RNASEL: variants seen among roughly 807,000 people sequenced by gnomAD.
RNASEL encodes the protein ribonuclease L.
Under a neutral mutation model 50.9 loss-of-function variants are expected in RNASEL, and 36 were observed. The observed-to-expected ratio is 0.71, with a 90% confidence interval of 0.54 to 0.93. RNASEL has a LOEUF of 0.93. Ranked by LOEUF, RNASEL falls within the 40% of genes least tolerant of loss-of-function variation. The pLI is 0.00. For missense variants in RNASEL, 860 were observed against 894.5 expected, an observed-to-expected ratio of 0.96 and a Z score of 0.49; for synonymous variants, 335 against 335.6, an observed-to-expected ratio of 1.00 and a Z score of 0.02.
chr1:182,582,377 G>C, intron 3 of RNASEL, 119 bp from the exon 4 acceptor site: 1 of 1,204,038 alleles, frequency 8.3e-7, no homozygotes. Flanking sequence ...GAATTTGTAG[G>C]CTTGTTAGGG....
At chr1:182,579,871 C>A (rs1464016672) in intron 5 of RNASEL, 2 of 537,348 alleles carry the variant, frequency 3.7e-6, no homozygotes, top group African/African-American at 3.9e-5. Flanking sequence ...AGACTTGATG[C>A]CATCACAGCT....
rs187579413 is a variant in RNASEL, at chr1:182,586,949, T to C, written c.-143A>G. On this transcript the variant is annotated 5_prime_UTR_variant, in exon 2 of 7. Coordinates refer to ENST00000367559, the MANE Select transcript of RNASEL (RefSeq NM_021133.4). ...CAGCAGTATGAAGAAGGAACAATGT[T>C]CTCAGTCTTCTGACATTCCACCTGG... 32 of 1,080,854 alleles carry C rather than the reference T, an allele frequency of 3.0e-5. 1 individual carries two copies. Among genetic ancestry groups the C allele is most frequent in the African/African-American group, 2.9e-4 (19 of 64,592 alleles). The allele number at this position is 1,080,854 out of a possible 1,614,324, so 67.0% of individuals were successfully genotyped here.
chr1:182,581,832 T>G (rs1661502796), intron 4 of RNASEL, among the ~76,000 whole-genome samples: 1 of 152,160 alleles, frequency 6.6e-6, no homozygotes. Context: ...AAATTCTGCA[T>G]GATAGGAGAG....
rs780188934 is a variant in RNASEL, at chr1:182,585,355, CTGG to C, written c.1449_1451del (p.His483del). The stretch of plus-strand genomic sequence containing the variant: ...TTAAGATGTTTTGTGGTTGCAGATC[CTGG>C]TGGGTGTATCCACAGGACAAGTGTA... On this transcript the variant is annotated inframe_deletion, in exon 2 of 7. Coordinates refer to ENST00000367559, the MANE Select transcript of RNASEL (RefSeq NM_021133.4). 7.2e-5 allele frequency: 116 copies of C among 1,613,958 alleles called. No individual in the cohort carries two copies. The highest frequency in any genetic ancestry group is 1.6e-4 in the Middle Eastern group (1 of 6,084).
At chr1:182,584,710 G>C (rs1661558842) in intron 2 of RNASEL, among the ~76,000 whole-genome samples, 1 of 152,172 alleles carries the variant, frequency 6.6e-6, no homozygotes, top group South Asian at 2.1e-4. Flanking sequence ...CTTGTCTGAG[G>C]TTACAAAACT....
At position 182,574,221 on chromosome 1, in the gene RNASEL, T is replaced by A. The variant is rs1355789876; in HGVS notation, c.*1171A>T. ...AAACATTCCCACTTGGCAGACTTTT[T>A]GCTTGGCAGTGAAGATACAAAGTCA... On this transcript the variant is annotated 3_prime_UTR_variant, in exon 7 of 7. Coordinates refer to ENST00000367559, the MANE Select transcript of RNASEL (RefSeq NM_021133.4). 2 of 225,074 alleles carry A rather than the reference T, an allele frequency of 8.9e-6. No individual in the cohort carries two copies. The highest frequency in any genetic ancestry group is 2.2e-5 in the African/African-American group (1 of 44,884). The allele number at this position is 225,074 out of a possible 1,614,324, so 13.9% of individuals were successfully genotyped here.
In RNASEL at chr1:182,575,126, G is replaced by A. The variant is rs1661354980; in HGVS notation, c.*266C>T. The stretch of plus-strand genomic sequence containing the variant: ...AACATATGCAGCATTAGGGGTCAAG[G>A]CACTCATTCTTTTGGTGCAATTGAC... On this transcript the variant is annotated 3_prime_UTR_variant, in exon 7 of 7. Transcript: ENST00000367559. The A allele has an allele frequency of 1.9e-6, 1 of 520,226 alleles. No individual in the cohort carries two copies. The highest frequency in any genetic ancestry group is 3.5e-6 in the Non-Finnish European group (1 of 289,506). 32.2% of individuals were successfully genotyped at this position (520,226 alleles called of 1,614,324 possible).
At position 182,586,178 on chromosome 1, in the gene RNASEL, AGAG is replaced by A. The variant is rs1661592147; in HGVS notation, c.626_628del (p.Ala209_Leu210delinsVal). ...CACATCACTATCGTCAGAGCTCAGGAGAGCATGGATCAAGGCATTTCTGCCCAT... is the reference window on the plus strand; with the variant it reads ...CACATCACTATCGTCAGAGCTCAGGACATGGATCAAGGCATTTCTGCCCAT... On this transcript the variant is annotated inframe_deletion, in exon 2 of 7. Coordinates refer to ENST00000367559, the MANE Select transcript of RNASEL (RefSeq NM_021133.4). 2 of 1,614,224 alleles carry A rather than the reference AGAG, an allele frequency of 1.2e-6. No individual in the cohort carries two copies. Among genetic ancestry groups the A allele is most frequent in the Non-Finnish European group, 1.7e-6 (2 of 1,180,042 alleles).
At position 182,585,876 on chromosome 1, in the gene RNASEL, T is replaced by A; in HGVS notation, c.931A>T (p.Asn311Tyr). 1 of 1,612,424 alleles carries A rather than the reference T, an allele frequency of 6.2e-7. No homozygotes were observed. The highest frequency in any genetic ancestry group is 8.5e-7 in the Non-Finnish European group (1 of 1,178,702). ...ACCTTCACAAGGGAATGGTCATAAT[T>A]CCGCCTCGCTGTCATAACAAGATCC... ...CGDLVMTARR[N>Y]YDHSLVKVLL... The change falls in exon 2 of 7, where the codon AAT becomes TAT. Residue 311 changes from asparagine to tyrosine, a missense_variant. By Grantham distance (143) the Asn-to-Tyr change is moderately radical. Coordinates refer to ENST00000367559, the MANE Select transcript of RNASEL (RefSeq NM_021133.4).
At position 182,582,119 on chromosome 1, in the gene RNASEL, G is replaced by T. The variant is rs753303800; in HGVS notation, c.1706C>A (p.Pro569His). 2.7e-5 allele frequency: 43 copies of T among 1,614,082 alleles called. No individual in the cohort carries two copies. Among genetic ancestry groups the T allele is most frequent in the Middle Eastern group, 1.6e-4 (1 of 6,084 alleles). The change falls in exon 4 of 7, where the codon CCT (proline) becomes CAT (histidine). Residue 569 changes from proline (P) to histidine (H), a missense_variant. Transcript: ENST00000367559. ...TKDLIHRLFHPGEHVRDCLSD... is the reference protein window; with the variant it reads ...TKDLIHRLFHHGEHVRDCLSD... ...CAGACAGTCCCTCACATGTTCCCCA[G>T]GATGGAAGAGACGATGAATGAGGTC...
rs1387294046 is a variant in RNASEL at position 182,586,635 on chromosome 1, C to T, written c.172G>A (p.Gly58Arg). Reference protein sequence around the residue: ...GANVNFQEEEGGWTPLHNAVQ... With the variant: ...GANVNFQEEERGWTPLHNAVQ... ...GCGTTATGCAGAGGTGTCCAGCCCC[C>T]TTCCTCTTCCTGGAAATTAACATTG... The change falls in exon 2 of 7, where the codon GGG becomes AGG. Residue 58 changes from glycine to arginine, a missense_variant. Transcript: ENST00000367559. The T allele has an allele frequency of 6.2e-7, 1 of 1,613,526 alleles. No individual in the cohort carries two copies. The highest frequency in any genetic ancestry group is 8.5e-7 in the Non-Finnish European group (1 of 1,179,428).
intron 2 of RNASEL, among the ~76,000 whole-genome samples, chr1:182,584,655 A>G (rs1237730055): frequency 1.3e-5 from 2 of 152,160 alleles, no homozygotes; most frequent in African/African-American, 4.8e-5. Flanking sequence ...CGAAGGAGGC[A>G]TTATCAGCCT....
At chr1:182,581,130 G>T (rs948300401) in intron 5 of RNASEL, 95 bp downstream of exon 5, 3 of 1,581,528 alleles carry the variant, frequency 1.9e-6, no homozygotes. Flanking sequence ...CCTCTGGTTT[G>T]CCACTGGTGT....
chr1:182,584,954 T>G (rs1369992676), intron 2 of RNASEL, among the ~76,000 whole-genome samples: 1 of 152,218 alleles, frequency 6.6e-6, no homozygotes, highest in African/African-American at 2.4e-5. Context: ...CATCCTCAAC[T>G]TTGACCTCAA....
rs570710721 is a variant in RNASEL at position 182,573,900 on chromosome 1, A to T, written c.*1492T>A. 1.2e-4 allele frequency: 23 copies of T among 198,118 alleles called. No homozygotes were observed. The South Asian group carries it at 3.3e-3, about 28-fold the overall frequency. The allele number at this position is 198,118 out of a possible 1,614,324, so 12.3% of individuals were successfully genotyped here. Reference sequence around the variant, plus strand: ...TATTCCCATTACAAAGCTCCATCTCAACCACCACAATGATTCATGGAAAGA... The same window carrying T: ...TATTCCCATTACAAAGCTCCATCTCTACCACCACAATGATTCATGGAAAGA... On this transcript the variant is annotated 3_prime_UTR_variant, in exon 7 of 7. Coordinates refer to ENST00000367559, the MANE Select transcript of RNASEL (RefSeq NM_021133.4).
At chr1:182,579,864 CTT>C (rs1661457181) in intron 5 of RNASEL, 8 of 556,734 alleles carry the variant, frequency 1.4e-5, no homozygotes, top group East Asian at 6.7e-5. Flanking sequence ...AGTTGGTAGA[CTT>C]GATGCCATCA....
rs1446918093 is a variant in RNASEL, at chr1:182,573,707, C to T, written c.*1685G>A. ...AATTGACATGTCCAGGTGCTCATTA[C>T]AAATCAGAGAACCAAAGCTTCATTT... On this transcript the variant is annotated 3_prime_UTR_variant, in exon 7 of 7. Transcript: ENST00000367559. 26 of 182,148 alleles carry T rather than the reference C, an allele frequency of 1.4e-4. No homozygotes were observed. In the Admixed American group the frequency reaches 1.5e-3, roughly 11 times the overall value. The allele number at this position is 182,148 out of a possible 1,614,324, so 11.3% of individuals were successfully genotyped here.
In RNASEL at chr1:182,586,943, C is replaced by G; in HGVS notation, c.-137G>C. 2 of 1,148,282 alleles carry G rather than the reference C, an allele frequency of 1.7e-6. No individual in the cohort carries two copies. The highest frequency in any genetic ancestry group is 2.5e-5 in the South Asian group (2 of 79,326). The allele number at this position is 1,148,282 out of a possible 1,614,324, so 71.1% of individuals were successfully genotyped here. A position where few individuals can be genotyped will look rare whatever the true frequency, so the allele number is the denominator to read the frequency against. ...ACAGAGCAGCAGTATGAAGAAGGAA[C>G]AATGTTCTCAGTCTTCTGACATTCC... On this transcript the variant is annotated 5_prime_UTR_variant, in exon 2 of 7. Coordinates refer to ENST00000367559, the MANE Select transcript of RNASEL (RefSeq NM_021133.4).
At chr1:182,585,063 T>C (rs1393441416) in intron 2 of RNASEL, among the ~76,000 whole-genome samples, 2 of 152,200 alleles carry the variant, frequency 1.3e-5, no homozygotes, top group Admixed American at 6.5e-5. Flanking sequence ...TGACATGCCT[T>C]CATCTGTTTA....
Sources: gnomAD v4.1 joint callset for allele counts (sites outside exome capture counted in the v4.1 genomes callset) on GRCh38, gnomAD v4.1.1 for gene constraint, MANE v1.5 for transcripts, NCBI Gene and HGNC (gene_info 2026-07-23, HGNC 2026-07-21) for gene names.